The following TRMT13 variants were observed in gnomAD, a reference collection of about 807,000 sequenced individuals.
TRMT13 encodes the protein tRNA methyltransferase 13.
A neutral mutation model predicts 55.9 loss-of-function variants in TRMT13; 45 were observed. The observed-to-expected ratio is 0.80, with a 90% CI of 0.63 to 1.03. TRMT13 has a LOEUF of 1.03. TRMT13 is among the 50% of genes least tolerant of loss of function. The pLI is 0.00. For synonymous variants in TRMT13, 183 were observed against 196.3 expected (o/e 0.93, Z 0.57); for missense variants, 513 against 563.9 (o/e 0.91, Z 0.91).
Position 100,148,001 on chromosome 1 carries a change from T to C in TRMT13, c.925T>C (p.Tyr309His). Residue 309 changes from tyrosine to histidine, a missense_variant, in exon 10 of 11, where the codon TAC (tyrosine) becomes CAC (histidine). Tyr to His is a moderately conservative substitution (Grantham distance 83). Transcript: ENST00000370141. Reference sequence around the variant, plus strand: ...GAATGATAAAACAGAAAAAGAAATTTACACTTTGGCCAAGGAAGGAAATGA... The same window carrying C: ...GAATGATAAAACAGAAAAAGAAATTCACACTTTGGCCAAGGAAGGAAATGA... ...IKNDKTEKEI[Y>H]TLAKEGNEKN... 6.2e-6 allele frequency: 10 copies of C among 1,614,166 alleles called. No individual in the cohort carries two copies. Among genetic ancestry groups the C allele is most frequent in the Non-Finnish European group, 8.5e-6 (10 of 1,180,028 alleles).
intron 1 of TRMT13, 77 bp downstream of exon 1, chr1:100,133,392 C>A: frequency 6.7e-7 from 1 of 1,486,698 alleles, no homozygotes; most frequent in East Asian, 2.4e-5. Context: ...CGGCCCCTCC[C>A]CTCTTTGACA....
chr1:100,135,027 C>T (rs1655624518), intron 1 of TRMT13, among the ~76,000 whole-genome samples: 1 of 152,066 alleles, frequency 6.6e-6, no homozygotes, highest in Non-Finnish European at 1.5e-5. Context: ...CTGATTTTGC[C>T]TCCAGTGAAC....
chr1:100,147,954 A>C lies in TRMT13; in HGVS notation c.878A>C (p.Glu293Ala). The stretch of plus-strand genomic sequence containing the variant: ...GCCAGTTTTGAGGAAAGGAATGAAG[A>C]ACCTTTAGCCAAACGCATAAAGAAT... ...YAASFEERNEEPLAKRIKNDK... is the reference protein window; with the variant it reads ...YAASFEERNEAPLAKRIKNDK... Residue 293 changes from glutamate (E) to alanine (A), a missense_variant, in exon 10 of 11, where the codon GAA becomes GCA. Transcript: ENST00000370141. 1 of 1,613,258 alleles carries C rather than the reference A, an allele frequency of 6.2e-7. No homozygotes were observed.
Position 100,149,983 on chromosome 1 carries a change from T to C in TRMT13, c.*1163T>C, listed in dbSNP as rs570511059. The C allele has an allele frequency of 6.6e-6, 1 of 152,506 alleles. No homozygotes were observed. Among genetic ancestry groups the C allele is most frequent in the Non-Finnish European group, 1.5e-5 (1 of 68,268 alleles). 9.4% of individuals were successfully genotyped at this position (152,506 alleles called of 1,614,324 possible). A position where few individuals can be genotyped will look rare whatever the true frequency, so the allele number is the denominator to read the frequency against. ...TTCCTGACTTTAGTCTCATATATCTTGTCAGACTGTCTCGGTTCAAATTCC... is the reference window on the plus strand; with the variant it reads ...TTCCTGACTTTAGTCTCATATATCTCGTCAGACTGTCTCGGTTCAAATTCC... On this transcript the variant is annotated 3_prime_UTR_variant, in exon 11 of 11. Coordinates refer to ENST00000370141, the MANE Select transcript of TRMT13 (RefSeq NM_019083.3).
At position 100,149,327 on chromosome 1, in the gene TRMT13, T is replaced by G. The variant is rs777792147; in HGVS notation, c.*507T>G. 2.6e-6 allele frequency: 4 copies of G among 1,541,382 alleles called. No individual in the cohort carries two copies. The highest frequency in any genetic ancestry group is 1.2e-5 in the South Asian group (1 of 80,764). ...TTCTCAAATGCAGACAATTCAGAGA[T>G]ATTCACAATTAATAAACACAATTAA... On this transcript the variant is annotated 3_prime_UTR_variant, in exon 11 of 11. Transcript: ENST00000370141.
chr1:100,145,047 C>T (rs1483868427), intron 9 of TRMT13, among the ~76,000 whole-genome samples: 1 of 152,148 alleles, frequency 6.6e-6, no homozygotes, highest in East Asian at 1.9e-4. Context: ...CATATTTTTA[C>T]TGTACCTTTT....
At chr1:100,139,824 A>G in intron 4 of TRMT13, 113 bp downstream of exon 4, 1 of 693,426 alleles carries the variant, frequency 1.4e-6, no homozygotes, top group Non-Finnish European at 2.4e-6. Flanking sequence ...TTTAGAATGC[A>G]TTTTCCTGTA....
rs995037341 is a variant in TRMT13, at chr1:100,148,880, T to G, written c.*60T>G. 1.1e-5 allele frequency: 13 copies of G among 1,170,782 alleles called. No homozygotes were observed. In the East Asian group the frequency reaches 4.0e-4, roughly 36 times the overall value. The allele number at this position is 1,170,782 out of a possible 1,614,324, so 72.5% of individuals were successfully genotyped here. A position where few individuals can be genotyped will look rare whatever the true frequency, so the allele number is the denominator to read the frequency against. On this transcript the variant is annotated 3_prime_UTR_variant, in exon 11 of 11. Transcript: ENST00000370141. ...CAAAAAAAATTTTTTAATTATATTT[T>G]TATATCAAAAAAATATATACTTTAA...
In TRMT13 at chr1:100,148,640, AG is replaced by A. The variant is rs1657614129; in HGVS notation, c.1267del (p.Glu423LysfsTer5). 1 of 1,607,808 alleles carries A rather than the reference AG, an allele frequency of 6.2e-7. No individual in the cohort carries two copies. Among genetic ancestry groups the A allele is most frequent in the African/African-American group, 1.3e-5 (1 of 74,690 alleles). ...DCLPGLLSVEEKKKIGHLCKL... is the reference protein window; with the variant it reads ...DCLPGLLSVEXKKKIGHLCKL... ...TTCAATTTAGGCTTCTTAGTGTTGAAGAAAAGAAGAAAATAGGGCATCTTTG... is the reference window on the plus strand; with the variant it reads ...TTCAATTTAGGCTTCTTAGTGTTGAAAAAAGAAGAAAATAGGGCATCTTTG... On this transcript the variant is annotated frameshift_variant, in exon 11 of 11. Transcript: ENST00000370141. LOFTEE classifies it high-confidence loss of function.
Position 100,149,362 on chromosome 1 carries a change from T to G in TRMT13, c.*542T>G. 1 of 1,543,440 alleles carries G rather than the reference T, an allele frequency of 6.5e-7. No individual in the cohort carries two copies. Among genetic ancestry groups the G allele is most frequent in the South Asian group, 1.2e-5 (1 of 81,626 alleles). ...TAATAAACACAATTAATTAATGAAG[T>G]CACCTTCAAATTTCCAGAGCCATAC... On this transcript the variant is annotated 3_prime_UTR_variant, in exon 11 of 11. Coordinates refer to ENST00000370141, the MANE Select transcript of TRMT13 (RefSeq NM_019083.3).
chr1:100,146,353 CAG>C, intron 9 of TRMT13, among the ~76,000 whole-genome samples: 1 of 152,280 alleles, frequency 6.6e-6, no homozygotes, highest in Non-Finnish European at 1.5e-5. Context: ...AACAGGAACA[CAG>C]TGAATATTTG....
Position 100,148,558 on chromosome 1 carries a change from C to T in TRMT13, c.1251-67C>T, listed in dbSNP as rs964977351. The T allele has an allele frequency of 7.2e-5, 103 of 1,430,382 alleles. No homozygotes were observed. The African/African-American group carries it at 1.4e-3, about 20-fold the overall frequency. 88.6% of individuals were successfully genotyped at this position (1,430,382 alleles called of 1,614,324 possible). On this transcript the variant is annotated intron_variant, in intron 10 of 10. Transcript: ENST00000370141. ...TTAACAGTCTCTCAATAAATAGTGA[C>T]AAAAATAATTTTTTATAAACTTTTG... is the stretch of plus-strand genomic sequence containing the variant.
rs1268806098 is a variant in TRMT13 at position 100,149,020 on chromosome 1, T to C, written c.*200T>C. The C allele has an allele frequency of 6.4e-7, 1 of 1,554,234 alleles. No individual in the cohort carries two copies. The highest frequency in any genetic ancestry group is 8.7e-7 in the Non-Finnish European group (1 of 1,154,522). ...GAGAATTCACCAAAGTAATCCTCTT[T>C]AGAAGGGCATCTTGAATTATATTAT... On this transcript the variant is annotated 3_prime_UTR_variant, in exon 11 of 11. Transcript: ENST00000370141.
At position 100,140,837 on chromosome 1, in the gene TRMT13, T is replaced by C; in HGVS notation, c.502-15T>C. On this transcript the variant is annotated splice_polypyrimidine_tract_variant and intron_variant, in intron 6 of 10. Coordinates refer to ENST00000370141, the MANE Select transcript of TRMT13 (RefSeq NM_019083.3). ...GTTTACTCTAGTTTATAAAATAATC[T>C]TGTGAAGTTTGCAGGCTTCTATTTT... is the stretch of plus-strand genomic sequence containing the variant. 1 of 1,605,792 alleles carries C rather than the reference T, an allele frequency of 6.2e-7. No homozygotes were observed. Among genetic ancestry groups the C allele is most frequent in the South Asian group, 1.1e-5 (1 of 89,922 alleles).
intron 9 of TRMT13, among the ~76,000 whole-genome samples, chr1:100,146,212 G>C (rs1051305053): frequency 2.6e-5 from 4 of 151,956 alleles, no homozygotes; most frequent in African/African-American, 9.7e-5. Context: ...TGCCTCCTTG[G>C]TGTTATCATA....
At chr1:100,142,588 G>A (rs1470446743) in intron 7 of TRMT13, among the ~76,000 whole-genome samples, 2 of 152,162 alleles carry the variant, frequency 1.3e-5, no homozygotes, top group East Asian at 1.9e-4. Context: ...AATGAAGGAG[G>A]CACAAGAGGA....
At chr1:100,142,759 G>T in intron 7 of TRMT13, 1 of 221,744 alleles carries the variant, frequency 4.5e-6, no homozygotes, top group South Asian at 6.9e-5. Flanking sequence ...CATAGGTATA[G>T]ATTAGAATGG....
chr1:100,148,261 T>G lies in TRMT13; in HGVS notation c.1185T>G (p.Asp395Glu), dbSNP rs1295269323. 6.2e-7 allele frequency: 1 copy of G among 1,614,044 alleles called. No homozygotes were observed. The highest frequency in any genetic ancestry group is 2.2e-5 in the East Asian group (1 of 44,894). ...STTKRQDNQNDDSEEHDDGGY... is the reference protein window; with the variant it reads ...STTKRQDNQNEDSEEHDDGGY... ...CAAAGAGGCAAGATAATCAGAATGA[T>G]GATAGTGAAGAGCATGATGATGGAG... The change falls in exon 10 of 11, where the codon GAT (aspartate) becomes GAG (glutamate). Residue 395 changes from aspartate (D) to glutamate (E), a missense_variant. Coordinates refer to ENST00000370141, the MANE Select transcript of TRMT13 (RefSeq NM_019083.3).
intron 9 of TRMT13, among the ~76,000 whole-genome samples, chr1:100,145,616 G>A (rs1228765254): frequency 6.6e-6 from 1 of 152,152 alleles, no homozygotes; most frequent in Non-Finnish European, 1.5e-5. Flanking sequence ...AGGCACAGTG[G>A]CTTATGCCTG....
Sources: gnomAD v4.1 joint callset for allele counts (sites outside exome capture counted in the v4.1 genomes callset) on GRCh38, gnomAD v4.1.1 for gene constraint, MANE v1.5 for transcripts, NCBI Gene and HGNC (gene_info 2026-07-23, HGNC 2026-07-21) for gene names.